The following NOL8 variants were observed in gnomAD, a reference collection of about 807,000 sequenced individuals.
NOL8 encodes nucleolar protein 8.
In NOL8, 93 loss-of-function variants were observed where a neutral mutation model predicts 116.1. The ratio of observed to expected loss-of-function variants is 0.80; its 90% CI spans 0.68 to 0.95. The LOEUF (loss-of-function observed/expected upper bound fraction) is 0.95. NOL8 is among the 40% of genes least tolerant of loss of function. The pLI is 0.00. For missense variants in NOL8, 1,291 were observed against 1,382.8 expected (o/e 0.93, Z 1.05); for synonymous variants, 419 against 469.0 (o/e 0.89, Z 1.38).
At chr9:92,320,454 A>C in intron 4 of NOL8, 1 of 212,770 alleles carries the variant, frequency 4.7e-6, no homozygotes, top group Non-Finnish European at 9.6e-6. Context: ...TCAAATTCTC[A>C]CCTTTTTCAT....
chr9:92,319,219 A>C lies in NOL8; in HGVS notation c.417+2T>G. On this transcript the variant is annotated splice_donor_variant, in intron 5 of 16. Coordinates refer to ENST00000442668, the MANE Select transcript of NOL8 (RefSeq NM_017948.6). LOFTEE classifies it high-confidence loss of function. ...TTGGCTCAGGCTACAGAGGAGACTC[A>C]CCTTATGCCCTGGCACTTCTGTCCC... The C allele has an allele frequency of 6.5e-7, 1 of 1,546,114 alleles. No homozygotes were observed. The highest frequency in any genetic ancestry group is 8.7e-7 in the Non-Finnish European group (1 of 1,154,718).
chr9:92,325,350 T>C lies in NOL8; in HGVS notation c.-93A>G, dbSNP rs571465730. 6.6e-6 allele frequency: 1 copy of C among 152,628 alleles called. No homozygotes were observed. The highest frequency in any genetic ancestry group is 2.0e-4 in the South Asian group (1 of 4,900). 9.5% of individuals were successfully genotyped at this position (152,628 alleles called of 1,614,324 possible). A position where few individuals can be genotyped will look rare whatever the true frequency, so the allele number is the denominator to read the frequency against. On this transcript the variant is annotated 5_prime_UTR_variant, in exon 1 of 17. Coordinates refer to ENST00000442668, the MANE Select transcript of NOL8 (RefSeq NM_017948.6). ...CAGCGCCGCTGCAGCCCCTAACTTC[T>C]GGTCACGTGTCCCAACGGAGCATCC...
At chr9:92,308,680 G>C (rs1275583586) in intron 10 of NOL8, among the ~76,000 whole-genome samples, 2 of 152,172 alleles carry the variant, frequency 1.3e-5, no homozygotes, top group Non-Finnish European at 2.9e-5. Flanking sequence ...GGAATAAAGA[G>C]TTAAGAAAAC....
intron 12 of NOL8, among the ~76,000 whole-genome samples, chr9:92,304,794 T>C (rs1838084071): frequency 1.3e-5 from 2 of 152,206 alleles, no homozygotes; most frequent in African/African-American, 4.8e-5. Context: ...AAGATTAACA[T>C]TGGTAGATTA....
intron 16 of NOL8, 106 bp downstream of exon 16, chr9:92,298,151 C>G: frequency 1.2e-6 from 1 of 821,940 alleles, no homozygotes; most frequent in East Asian, 2.7e-5. Flanking sequence ...TTGAGCCAGT[C>G]TGCAGTCTCC....
chr9:92,319,979 T>C (rs1839787573), intron 4 of NOL8: 3 of 436,482 alleles, frequency 6.9e-6, no homozygotes, highest in Admixed American at 2.4e-5. Context: ...AGTTCCCCTT[T>C]ATGGAAGACC....
Position 92,324,212 on chromosome 9 carries a change from G to A in NOL8, c.-48-3C>T. 1 of 1,577,906 alleles carries A rather than the reference G, an allele frequency of 6.3e-7. No homozygotes were observed. Among genetic ancestry groups the A allele is most frequent in the Non-Finnish European group, 8.6e-7 (1 of 1,159,288 alleles). ...GTTTCAGTGGGAAAAGTAATTTTCT[G>A]TATACAGAGAAGAGTTCTTTCCCTT... On this transcript the variant is annotated splice_region_variant and splice_polypyrimidine_tract_variant and intron_variant, in intron 1 of 16. Transcript: ENST00000442668.
chr9:92,312,072 C>T (rs1029489680), intron 7 of NOL8, among the ~76,000 whole-genome samples: 13 of 152,264 alleles, frequency 8.5e-5, no homozygotes, highest in South Asian at 2.1e-4. Flanking sequence ...GTGCTGGAGG[C>T]TACTATCCTA....
At chr9:92,308,929 G>C (rs1158529386) in intron 10 of NOL8, 1 of 152,242 alleles carries the variant, frequency 6.6e-6, no homozygotes, top group Non-Finnish European at 1.5e-5. Flanking sequence ...TTAGTCTCCA[G>C]GTTCTGTTCA....
rs1284540947 is a variant in NOL8 at position 92,315,901 on chromosome 9, C to G, written c.724G>C (p.Val242Leu). 6.2e-7 allele frequency: 1 copy of G among 1,613,684 alleles called. No individual in the cohort carries two copies. The highest frequency in any genetic ancestry group is 2.2e-5 in the East Asian group (1 of 44,896). ...SLAMSTRPRR[V>L]IERPPLTQQQ... is the part of the protein sequence containing the mutation. Reference sequence around the variant, plus strand: ...TGTGTTAAGGGTGGTCTCTCTATTACCCTCCTGGGCCTTGTACTCATGGCC... The same window carrying G: ...TGTGTTAAGGGTGGTCTCTCTATTAGCCTCCTGGGCCTTGTACTCATGGCC... The change falls in exon 7 of 17, where the codon GTA (valine) becomes CTA (leucine). Residue 242 changes from valine to leucine, a missense_variant. Physicochemically the swap from Val to Leu is conservative, Grantham distance 32. Coordinates refer to ENST00000442668, the MANE Select transcript of NOL8 (RefSeq NM_017948.6).
chr9:92,303,593 G>T (rs192455571), intron 12 of NOL8, among the ~76,000 whole-genome samples: 9 of 152,050 alleles, frequency 5.9e-5, no homozygotes, highest in Non-Finnish European at 1.0e-4. Context: ...TATAGACCTC[G>T]GTCTAAAAAT....
intron 12 of NOL8, 133 bp downstream of exon 12, chr9:92,305,620 C>T: frequency 3.0e-6 from 2 of 677,062 alleles, no homozygotes; most frequent in South Asian, 1.7e-5. Context: ...ACTCTACCTG[C>T]ACTACCCCTA....
rs774451132 is a variant in NOL8 at position 92,310,583 on chromosome 9, T to C, written c.2565A>G (p.Lys855=). 1.3e-5 allele frequency: 21 copies of C among 1,611,758 alleles called. No individual in the cohort carries two copies. Among genetic ancestry groups the C allele is most frequent in the Non-Finnish European group, 1.8e-5 (21 of 1,179,216 alleles). Residue 855 remains lysine, a synonymous_variant, in exon 9 of 17, where the codon AAA becomes AAG. Coordinates refer to ENST00000442668, the MANE Select transcript of NOL8 (RefSeq NM_017948.6). ...SEDDSNRFKI[K]PQFEGRAGQK... ...GTCCAGCTCTGCCCTCAAACTGAGGTTTAATTTTGAACCTATTACTGTCAT... is the reference window on the plus strand; with the variant it reads ...GTCCAGCTCTGCCCTCAAACTGAGGCTTAATTTTGAACCTATTACTGTCAT...
In NOL8 at chr9:92,323,145, T is replaced by C. The variant is rs1429448105; in HGVS notation, c.202+296A>G. On this transcript the variant is annotated intron_variant, in intron 3 of 16. Coordinates refer to ENST00000442668, the MANE Select transcript of NOL8 (RefSeq NM_017948.6). ...CAGACTGAGGGGGAATGTGGCATGA[T>C]ATTCAGTGGGATATATGTAACAGGC... is the stretch of plus-strand genomic sequence containing the variant. 25 of 426,770 alleles carry C rather than the reference T, an allele frequency of 5.9e-5. No individual in the cohort carries two copies. In the East Asian group the frequency reaches 1.1e-3, roughly 19 times the overall value. 26.4% of individuals were successfully genotyped at this position (426,770 alleles called of 1,614,324 possible).
intron 3 of NOL8, among the ~76,000 whole-genome samples, chr9:92,322,307 T>G (rs1359835952): frequency 6.6e-6 from 1 of 152,216 alleles, no homozygotes; most frequent in African/African-American, 2.4e-5. Context: ...GCCGTCAGCT[T>G]CCTTAATAAT....
rs77232201 is a variant in NOL8, at chr9:92,299,161, T to A, written c.3303-207A>T. Reference sequence around the variant, plus strand: ...ATTTTGCCCTGAGTTAAAACAACCCTCCCTCTAACATTCTTCTATCTGAAG... The same window carrying A: ...ATTTTGCCCTGAGTTAAAACAACCCACCCTCTAACATTCTTCTATCTGAAG... On this transcript the variant is annotated intron_variant, in intron 14 of 16. Transcript: ENST00000442668. Among the ~76,000 whole-genome samples, 737 of 152,310 alleles carry A rather than the reference T, an allele frequency of 4.8e-3. 5 individuals are homozygous for A. The highest frequency in any genetic ancestry group is 0.015 in the African/African-American group (642 of 41,564).
In NOL8 at chr9:92,324,046, A is replaced by G. The variant is rs779168754; in HGVS notation, c.116T>C (p.Ile39Thr). ...SRFGEVSDVE[I>T]ITRKDDQGNP... is the part of the protein sequence containing the mutation. ...ACCTTGGTCATCTTTCCGTGTGATG[A>G]TCTCCACATCCGAAACTTCTCCAAA... is the stretch of plus-strand genomic sequence containing the variant. Residue 39 changes from isoleucine to threonine, a missense_variant, in exon 2 of 17, where the codon ATC becomes ACC. Ile to Thr is a moderately conservative substitution (Grantham distance 89). Transcript: ENST00000442668. 14 of 1,613,864 alleles carry G rather than the reference A, an allele frequency of 8.7e-6. No individual in the cohort carries two copies. The highest frequency in any genetic ancestry group is 1.7e-5 in the Admixed American group (1 of 60,014).
At chr9:92,300,571 G>T in intron 13 of NOL8, 1 of 994,604 alleles carries the variant, frequency 1.0e-6, no homozygotes, top group Middle Eastern at 5.0e-4. Context: ...TTTAGGACTC[G>T]TTTCAAGGTC....
chr9:92,315,025 T>G lies in NOL8; in HGVS notation c.1600A>C (p.Arg534=), dbSNP rs1326799333. ...GCAGGACGAATACACTGTCGGCCTC[T>G]GCGGAGGCCAGTGGGAGTCTTGGGG... ...KSPKTPTGLR[R]GRQCIRPAEI... The change falls in exon 7 of 17, where the codon AGA becomes CGA. Residue 534 remains arginine (R), a synonymous_variant. Coordinates refer to ENST00000442668, the MANE Select transcript of NOL8 (RefSeq NM_017948.6). 1 of 1,613,930 alleles carries G rather than the reference T, an allele frequency of 6.2e-7. No individual in the cohort carries two copies. Among genetic ancestry groups the G allele is most frequent in the Non-Finnish European group, 8.5e-7 (1 of 1,179,884 alleles).
Sources: allele counts gnomAD v4.1 joint callset (sites outside exome capture counted in the v4.1 genomes callset), GRCh38; gene constraint gnomAD v4.1.1; transcripts MANE v1.5; gene names NCBI Gene and HGNC (gene_info 2026-07-23, HGNC 2026-07-21).